The following FZR1 variants were observed in gnomAD, a reference collection of about 807,000 sequenced individuals.
The protein encoded by FZR1 is fizzy and cell division cycle 20 related 1.
In FZR1, 11 loss-of-function variants were observed where a neutral mutation model predicts 63.6. The observed-to-expected ratio is 0.17, with a 90% CI of 0.11 to 0.29. The LOEUF is 0.29. FZR1 is among the 10% of genes least tolerant of loss of function. FZR1 has a pLI of 1.00. For synonymous variants in FZR1, 328 were observed against 297.9 expected, an observed-to-expected ratio of 1.10 and a Z score of -1.04; for missense variants, 440 against 687.5, an observed-to-expected ratio of 0.64 and a Z score of 4.03.
Position 3,533,656 on chromosome 19 carries a change from T to G in FZR1, c.1347+258T>G. 1 of 464,182 alleles carries G rather than the reference T, an allele frequency of 2.2e-6. No homozygotes were observed. Among genetic ancestry groups the G allele is most frequent in the Non-Finnish European group, 3.9e-6 (1 of 256,780 alleles). The allele number at this position is 464,182 out of a possible 1,614,324, so 28.8% of individuals were successfully genotyped here. On this transcript the variant is annotated intron_variant, in intron 12 of 13. Coordinates refer to ENST00000441788, the MANE Select transcript of FZR1 (RefSeq NM_016263.4). The surrounding 1 kb of genome is among the most constrained non-coding windows in gnomAD (Gnocchi z 4.9). ...ACCTTAGCTTCTTCATTTGTTTATTTTCCCCATAAAGAGGGGTGAAGAGGA... is the reference window on the plus strand; with the variant it reads ...ACCTTAGCTTCTTCATTTGTTTATTGTCCCCATAAAGAGGGGTGAAGAGGA...
At chr19:3,528,349 A>G (rs147992767) in intron 7 of FZR1, among the ~76,000 whole-genome samples, 14 of 152,290 alleles carry the variant, frequency 9.2e-5, no homozygotes, top group Non-Finnish European at 1.9e-4. Flanking sequence ...GTTTCGGGAG[A>G]GCGAGGGTTG....
intron 7 of FZR1, among the ~76,000 whole-genome samples, chr19:3,529,049 G>T (rs2083196764): frequency 6.7e-6 from 1 of 149,798 alleles, no homozygotes; most frequent in East Asian, 2.0e-4. Context: ...TGAGAGGATG[G>T]GAGTGCGGAT....
At chr19:3,527,561 A>G (rs2083173010) in intron 6 of FZR1, 70 bp from the exon 7 acceptor site, 1 of 1,261,998 alleles carries the variant, frequency 7.9e-7, no homozygotes. Flanking sequence ...GGAAGGAGAC[A>G]CTTCCCAAGC....
chr19:3,531,191 T>A (rs2083243228), intron 8 of FZR1, among the ~76,000 whole-genome samples: 1 of 152,148 alleles, frequency 6.6e-6, no homozygotes, highest in Admixed American at 6.5e-5. Flanking sequence ...CATTTTAGAT[T>A]ATGATGAAAA....
At chr19:3,522,933 C>T (rs2083116348) in intron 1 of FZR1, 23 bp from the exon 2 acceptor site, 4 of 1,262,648 alleles carry the variant, frequency 3.2e-6, no homozygotes, top group Non-Finnish European at 4.7e-6. Flanking sequence ...CCCCACTCAC[C>T]TCTCCTGCCC....
In FZR1 at chr19:3,531,926, A is replaced by G; in HGVS notation, c.839A>G (p.Asn280Ser). 1 of 1,596,506 alleles carries G rather than the reference A, an allele frequency of 6.3e-7. No homozygotes were observed. The highest frequency in any genetic ancestry group is 8.5e-7 in the Non-Finnish European group (1 of 1,174,324). The stretch of plus-strand genomic sequence containing the variant: ...TGGCCTCCAGGGGCGCTGGCCTGGA[A>G]TGCTGAGCAGCTGTCGTCCGGGAGC... ...HTARVGALAW[N>S]AEQLSSGSRD... The change falls in exon 10 of 14, where the codon AAT becomes AGT. Residue 280 changes from asparagine to serine, a missense_variant. Transcript: ENST00000441788.
intron 10 of FZR1, 119 bp from the exon 11 acceptor site, chr19:3,532,298 G>C (rs12975984): frequency 4.5e-6 from 4 of 888,264 alleles, no homozygotes; most frequent in Non-Finnish European, 6.7e-6. Flanking sequence ...AGGGGTCCTT[G>C]AGGGAGCAGC....
chr19:3,508,236 C>T (rs1315780451), intron 1 of FZR1, among the ~76,000 whole-genome samples: 1 of 135,290 alleles, frequency 7.4e-6, no homozygotes, highest in Non-Finnish European at 1.5e-5. Flanking sequence ...TGGAGTTTCG[C>T]TCTGGGCTGA....
chr19:3,518,616 C>G (rs1049995389), intron 1 of FZR1, among the ~76,000 whole-genome samples: 11 of 152,198 alleles, frequency 7.2e-5, no homozygotes, highest in Non-Finnish European at 1.5e-4. Flanking sequence ...CTTGGGGAGA[C>G]TGTCCTGTGC....
chr19:3,534,970 G>C lies in FZR1; in HGVS notation c.*134G>C. 1 of 697,566 alleles carries C rather than the reference G, an allele frequency of 1.4e-6. No homozygotes were observed. Among genetic ancestry groups the C allele is most frequent in the South Asian group, 1.6e-5 (1 of 63,756 alleles). The allele number at this position is 697,566 out of a possible 1,614,324, so 43.2% of individuals were successfully genotyped here. On this transcript the variant is annotated 3_prime_UTR_variant, in exon 14 of 14. Coordinates refer to ENST00000441788, the MANE Select transcript of FZR1 (RefSeq NM_016263.4). ...CTGGGCGGGCGGGGAGCTGGGCCTG[G>C]AGGATCCTGGAGTCTCATTAAATGC...
chr19:3,534,307 G>C, intron 12 of FZR1, 114 bp from the exon 13 acceptor site: 1 of 537,154 alleles, frequency 1.9e-6, no homozygotes, highest in Non-Finnish European at 3.3e-6. Flanking sequence ...CCTGGCTCCA[G>C]AGTCTGGGGG....
intron 1 of FZR1, among the ~76,000 whole-genome samples, chr19:3,521,564 C>T (rs2083101877): frequency 6.6e-6 from 1 of 151,024 alleles, no homozygotes; most frequent in South Asian, 2.1e-4. Flanking sequence ...TGCAGCGGCA[C>T]GATCTCAGCT....
In FZR1 at chr19:3,506,415, C is replaced by T. The variant is rs2082982972; in HGVS notation, c.-94C>T. The T allele has an allele frequency of 2.6e-5, 4 of 151,494 alleles. No homozygotes were observed. Among genetic ancestry groups the T allele is most frequent in the Admixed American group, 2.6e-4 (4 of 15,228 alleles). The allele number at this position is 151,494 out of a possible 1,614,324, so 9.4% of individuals were successfully genotyped here. A position where few individuals can be genotyped will look rare whatever the true frequency, so the allele number is the denominator to read the frequency against. On this transcript the variant is annotated 5_prime_UTR_variant, in exon 1 of 14. Coordinates refer to ENST00000441788, the MANE Select transcript of FZR1 (RefSeq NM_016263.4). ...GAGCTGCGGAGGCCGGAGGCGGGCG[C>T]TGTGCGGTGCCAGGAGAGGCGGGGT...
intron 2 of FZR1, among the ~76,000 whole-genome samples, chr19:3,524,461 C>T (rs947843869): frequency 2.6e-5 from 4 of 152,334 alleles, no homozygotes; most frequent in East Asian, 3.9e-4. Flanking sequence ...CAGACCCAGA[C>T]GGAGCGCCAG....
chr19:3,531,989 C>G lies in FZR1; in HGVS notation c.902C>G (p.Pro301Arg). 1 of 1,575,256 alleles carries G rather than the reference C, an allele frequency of 6.3e-7. No homozygotes were observed. Among genetic ancestry groups the G allele is most frequent in the Non-Finnish European group, 8.6e-7 (1 of 1,166,238 alleles). ...RMILQRDIRT[P>R]PLQSERRLQG... Reference sequence around the variant, plus strand: ...ATCCTGCAGAGGGACATCCGCACCCCGCCACTGCAGTCGGAGCGGCGGCTG... The same window carrying G: ...ATCCTGCAGAGGGACATCCGCACCCGGCCACTGCAGTCGGAGCGGCGGCTG... The change falls in exon 10 of 14, where the codon CCG becomes CGG. Residue 301 changes from proline (P) to arginine (R), a missense_variant. Transcript: ENST00000441788.
At chr19:3,531,375 A>G (rs952940340) in intron 8 of FZR1, among the ~76,000 whole-genome samples, 1 of 152,150 alleles carries the variant, frequency 6.6e-6, no homozygotes, top group Non-Finnish European at 1.5e-5. Context: ...GCAGACAGCA[A>G]CGCATGTTGC....
rs546806639 is a variant in FZR1 at position 3,514,402 on chromosome 19, C to T, written c.-35+7928C>T. Among the ~76,000 whole-genome samples the T allele has an allele frequency of 1.6e-4, 25 of 152,276 alleles. No individual in the cohort carries two copies. Among genetic ancestry groups the T allele is most frequent in the African/African-American group, 5.5e-4 (23 of 41,558 alleles). ...TGGGGCCGGATCGTTCTCTGGGGTG[C>T]GGCCGTCCTGGGCACTACAGGGTGC... On this transcript the variant is annotated intron_variant, in intron 1 of 13. Coordinates refer to ENST00000441788, the MANE Select transcript of FZR1 (RefSeq NM_016263.4). This position sits in a 1 kb window ranked among gnomAD's most constrained non-coding sequence, Gnocchi z 4.2.
rs1374565391 is a variant in FZR1, at chr19:3,516,247, A to T, written c.-34-6709A>T. Among the ~76,000 whole-genome samples, 1 of 152,086 alleles carries T rather than the reference A, an allele frequency of 6.6e-6. No individual in the cohort carries two copies. Among genetic ancestry groups the T allele is most frequent in the Non-Finnish European group, 1.5e-5 (1 of 67,998 alleles). ...AGCCCACAGCCTCCCCCACCGTCTG[A>T]CGGGCGGGAGGGTGGTGTCCTCGGT... On this transcript the variant is annotated intron_variant, in intron 1 of 13. Coordinates refer to ENST00000441788, the MANE Select transcript of FZR1 (RefSeq NM_016263.4). The surrounding 1 kb of genome is among the most constrained non-coding windows in gnomAD (Gnocchi z 6.0).
At position 3,525,746 on chromosome 19, in the gene FZR1, C is replaced by T; in HGVS notation, c.70-122C>T. On this transcript the variant is annotated intron_variant, in intron 2 of 13. Coordinates refer to ENST00000441788, the MANE Select transcript of FZR1 (RefSeq NM_016263.4). This position sits in a 1 kb window ranked among gnomAD's most constrained non-coding sequence, Gnocchi z 4.2. ...CGTGAGCCACCGCGCCTGGCCCACC[C>T]CTTGGGTTTTCAAGATCAAAGCCCC... 3 of 1,253,538 alleles carry T rather than the reference C, an allele frequency of 2.4e-6. No individual in the cohort carries two copies. The highest frequency in any genetic ancestry group is 1.4e-5 in the South Asian group (1 of 72,432). The allele number at this position is 1,253,538 out of a possible 1,614,324, so 77.7% of individuals were successfully genotyped here. A position where few individuals can be genotyped will look rare whatever the true frequency, so the allele number is the denominator to read the frequency against.
Sources: gnomAD v4.1 joint callset for allele counts (sites outside exome capture counted in the v4.1 genomes callset) on GRCh38, gnomAD v4.1.1 for gene constraint, Gnocchi (gnomAD v3.1) non-coding constraint, MANE v1.5 for transcripts, NCBI Gene and HGNC (gene_info 2026-07-23, HGNC 2026-07-21) for gene names.